The following AURKB variants were observed in gnomAD, a reference collection of about 807,000 sequenced individuals.
AURKB encodes aurora kinase B-Sv1.
Under a neutral mutation model 36.5 loss-of-function variants are expected in AURKB, and 28 were observed. That is an observed-to-expected ratio of 0.77 (90% CI 0.57 to 1.05). The LOEUF is 1.05. AURKB is among the 50% of genes least tolerant of loss of function. The probability of loss-of-function intolerance (pLI) is 0.00; values close to 1 mark genes in which losing one functional copy is unlikely to be tolerated. For missense variants in AURKB, 383 were observed against 447.4 expected (o/e 0.86, Z 1.30); for synonymous variants, 175 against 172.9 (o/e 1.01, Z -0.09).
chr17:8,207,660 G>A (rs1185240358), intron 3 of AURKB, 35 bp from the exon 4 acceptor site: 2 of 1,613,752 alleles, frequency 1.2e-6, no homozygotes, highest in African/African-American at 1.3e-5. Flanking sequence ...ATGCGAACAG[G>A]GATGACCTTC....
intron 3 of AURKB, 42 bp from the exon 4 acceptor site, chr17:8,207,667 C>T (rs752900776): frequency 2.5e-6 from 4 of 1,612,020 alleles, no homozygotes; most frequent in Non-Finnish European, 3.4e-6. Context: ...CAGGGATGAC[C>T]TTCTCATCCC....
rs2151472932 is a variant in AURKB at position 8,207,210 on chromosome 17, G to A, written c.364C>T (p.Leu122=). 6.2e-7 allele frequency: 1 copy of A among 1,614,156 alleles called. No individual in the cohort carries two copies. Among genetic ancestry groups the A allele is most frequent in the Non-Finnish European group, 8.5e-7 (1 of 1,180,016 alleles). The change falls in exon 5 of 9, where the codon CTG becomes TTG. Residue 122 remains leucine, a synonymous_variant. Coordinates refer to ENST00000585124, the MANE Select transcript of AURKB (RefSeq NM_004217.4). ...GCCTGGATTTCGATCTCTCTGCGCA[G>A]CTGATGCTCCACGCCCTCCTTCTCT... ...QIEKEGVEHQ[L]RREIEIQAHL...
chr17:8,204,999 G>A lies in AURKB; in HGVS notation c.907C>T (p.Leu303Phe), dbSNP rs772308526. The change falls in exon 9 of 9, where the codon CTC becomes TTC. Residue 303 changes from leucine to phenylalanine, a missense_variant. Coordinates refer to ENST00000585124, the MANE Select transcript of AURKB (RefSeq NM_004217.4). ...TTATGCCTGAGCAGTTTGGAGATGA[G>A]GTCCTGGGCTCCCATGGGCACGGAA... ...PASVPMGAQD[L>F]ISKLLRHNPS... 6.2e-7 allele frequency: 1 copy of A among 1,602,416 alleles called. No individual in the cohort carries two copies.
rs144211386 is a variant in AURKB at position 8,205,425 on chromosome 17, G to A, written c.687-35C>T. 5.9e-4 allele frequency: 943 copies of A among 1,606,928 alleles called. 7 individuals are homozygous for A. In the African/African-American group the frequency reaches 0.011, roughly 19 times the overall value. On this transcript the variant is annotated intron_variant, in intron 7 of 8. Coordinates refer to ENST00000585124, the MANE Select transcript of AURKB (RefSeq NM_004217.4). ...ATAAGGGGCGTGGGCAGGGGTCCTA[G>A]TGACATAGGAACTCTCCTTTCCCTG...
chr17:8,207,008 G>A, intron 5 of AURKB, 120 bp from the exon 6 acceptor site: 2 of 1,509,832 alleles, frequency 1.3e-6, no homozygotes, highest in Admixed American at 2.0e-5. Context: ...GGAGTGGTAA[G>A]GGGAAACTGG....
chr17:8,205,178 C>G, intron 8 of AURKB, 38 bp downstream of exon 8: 1 of 1,585,394 alleles, frequency 6.3e-7, no homozygotes, highest in South Asian at 1.1e-5. Context: ...CAGCTCCTGG[C>G]TTCAGCAGCT....
rs1201893657 is a variant in AURKB at position 8,205,030 on chromosome 17, G to A, written c.876C>T (p.Phe292=). 6.3e-7 allele frequency: 1 copy of A among 1,585,428 alleles called. No individual in the cohort carries two copies. Among genetic ancestry groups the A allele is most frequent in the African/African-American group, 1.4e-5 (1 of 72,918 alleles). The change falls in exon 9 of 9, where the codon TTC becomes TTT. Residue 292 remains phenylalanine (F), a synonymous_variant. Coordinates refer to ENST00000585124, the MANE Select transcript of AURKB (RefSeq NM_004217.4). ...GGGCTCCCATGGGCACGGAAGCGGG[G>A]AACTTTAGGTCCACCTGCAGGTGTG... ...YRRIVKVDLK[F]PASVPMGAQD...
chr17:8,208,556 A>C (rs1985682575), intron 2 of AURKB, among the ~76,000 whole-genome samples: 1 of 151,844 alleles, frequency 6.6e-6, no homozygotes, highest in Admixed American at 6.6e-5. Flanking sequence ...GCACCATTGC[A>C]CTCCAGCCTG....
chr17:8,209,646 T>TAA (rs1363602405), intron 2 of AURKB, among the ~76,000 whole-genome samples: 2 of 152,134 alleles, frequency 1.3e-5, no homozygotes, highest in African/African-American at 4.8e-5. Context: ...TTTATATATA[T>TAA]AATAAAGGTG....
chr17:8,208,320 G>T (rs1473503445), intron 2 of AURKB: 1 of 153,694 alleles, frequency 6.5e-6, no homozygotes, highest in Admixed American at 6.6e-5. Flanking sequence ...AGCTACTCAG[G>T]AGGCTGAGGC....
intron 8 of AURKB, 70 bp from the exon 9 acceptor site, chr17:8,205,114 C>A: frequency 6.5e-7 from 1 of 1,545,112 alleles, no homozygotes; most frequent in Non-Finnish European, 8.7e-7. Context: ...ACTACCCATT[C>A]TGTTTGGAGT....
Position 8,204,792 on chromosome 17 carries a change from G to A in AURKB, c.*79C>T. On this transcript the variant is annotated 3_prime_UTR_variant, in exon 9 of 9. Transcript: ENST00000585124. Reference sequence around the variant, plus strand: ...AGGAGGAGGTAGAAAACAGATAAGGGAACAGTTAGGGATCCCTTCTTTCCC... The same window carrying A: ...AGGAGGAGGTAGAAAACAGATAAGGAAACAGTTAGGGATCCCTTCTTTCCC... The A allele has an allele frequency of 6.4e-7, 1 of 1,552,212 alleles. No homozygotes were observed. The highest frequency in any genetic ancestry group is 2.2e-4 in the Middle Eastern group (1 of 4,546).
rs1284238572 is a variant in AURKB at position 8,210,554 on chromosome 17, T to A, written c.-50A>T. 7.9e-6 allele frequency: 3 copies of A among 382,122 alleles called. No homozygotes were observed. Among genetic ancestry groups the A allele is most frequent in the South Asian group, 3.3e-5 (1 of 30,392 alleles). The allele number at this position is 382,122 out of a possible 1,614,324, so 23.7% of individuals were successfully genotyped here. A position where few individuals can be genotyped will look rare whatever the true frequency, so the allele number is the denominator to read the frequency against. On this transcript the variant is annotated 5_prime_UTR_variant, in exon 1 of 9. Transcript: ENST00000585124. ...CCTGGGGTCCAAGGCACTGCTACTC[T>A]CCCGGCCGCCCGCAAACAACTGAAT...
At position 8,210,243 on chromosome 17, in the gene AURKB, A is replaced by C. The variant is rs45524038; in HGVS notation, c.-19T>G. On this transcript the variant is annotated 5_prime_UTR_variant, in exon 2 of 9. Transcript: ENST00000585124. The stretch of plus-strand genomic sequence containing the variant: ...GGGCCATCCTTAGAGAGAAAGGGGG[A>C]GGAGAGCTGGGCGGAGAAGGGAAAC... 6.3e-7 allele frequency: 1 copy of C among 1,590,258 alleles called. No individual in the cohort carries two copies. The highest frequency in any genetic ancestry group is 8.6e-7 in the Non-Finnish European group (1 of 1,166,274).
chr17:8,205,292 A>G lies in AURKB; in HGVS notation c.785T>C (p.Leu262Pro). The change falls in exon 8 of 9, where the codon CTT (leucine) becomes CCT (proline). Residue 262 changes from leucine (L) to proline (P), a missense_variant. By Grantham distance (98) the Leu-to-Pro change is moderately conservative. This residue lies in a region of AURKB where 219 missense variants were observed against 252.6 expected (regional missense o/e 0.87). Transcript: ENST00000585124. Reference protein sequence around the residue: ...EKVDLWCIGVLCYELLVGNPP... With the variant: ...EKVDLWCIGVPCYELLVGNPP... ...GTTCCCCACCAGCAGCTCATAGCAA[A>G]GCACTCCAATGCACCACAGATCCAC... The G allele has an allele frequency of 1.9e-6, 3 of 1,614,176 alleles. No individual in the cohort carries two copies. Among genetic ancestry groups the G allele is most frequent in the Non-Finnish European group, 2.5e-6 (3 of 1,180,036 alleles).
intron 2 of AURKB, among the ~76,000 whole-genome samples, chr17:8,208,585 C>T (rs146073791): frequency 0.049 from 5,760 of 117,466 alleles, 164 homozygotes; most frequent in Non-Finnish European, 0.072. Context: ...AGTGAGGCTC[C>T]GTCTCAAAAA....
Position 8,207,829 on chromosome 17 carries a change from G to A in AURKB, c.60C>T (p.Gly20=). The change falls in exon 3 of 9, where the codon GGC becomes GGT. Residue 20 remains glycine (G), a synonymous_variant. Coordinates refer to ENST00000585124, the MANE Select transcript of AURKB (RefSeq NM_004217.4). ...WPYGRQTAPS[G]LSTLPQRVLR... is the part of the protein sequence containing the mutation. ...GGACTCGCTGGGGCAGGGTGCTCAGGCCAGATGGAGCCTGAGAAGGAGCAG... is the reference window on the plus strand; with the variant it reads ...GGACTCGCTGGGGCAGGGTGCTCAGACCAGATGGAGCCTGAGAAGGAGCAG... 2.5e-6 allele frequency: 4 copies of A among 1,612,588 alleles called. No homozygotes were observed. Among genetic ancestry groups the A allele is most frequent in the South Asian group, 1.1e-5 (1 of 90,840 alleles).
Position 8,204,850 on chromosome 17 carries a change from C to A in AURKB, c.*21G>T. 1 of 1,611,474 alleles carries A rather than the reference C, an allele frequency of 6.2e-7. No homozygotes were observed. Among genetic ancestry groups the A allele is most frequent in the South Asian group, 1.1e-5 (1 of 91,010 alleles). On this transcript the variant is annotated 3_prime_UTR_variant, in exon 9 of 9. Coordinates refer to ENST00000585124, the MANE Select transcript of AURKB (RefSeq NM_004217.4). Reference sequence around the variant, plus strand: ...TACACAGACATACAAACACACGCACCCGAGTGAATGACAGGGACCATCAGG... The same window carrying A: ...TACACAGACATACAAACACACGCACACGAGTGAATGACAGGGACCATCAGG...
At position 8,206,280 on chromosome 17, in the gene AURKB, G is replaced by A. The variant is rs6503091; in HGVS notation, c.686+211C>T. The stretch of plus-strand genomic sequence containing the variant: ...CCAGTAGCTGGGATTACTGGCGTCC[G>A]CCACCATGGCCGGCTAATTTTTGTA... On this transcript the variant is annotated intron_variant, in intron 7 of 8. Coordinates refer to ENST00000585124, the MANE Select transcript of AURKB (RefSeq NM_004217.4). The surrounding 1 kb of genome is among the most constrained non-coding windows in gnomAD (Gnocchi z 4.2). Among the ~76,000 whole-genome samples the A allele has an allele frequency of 0.54, 81,935 of 151,820 alleles. 22,920 individuals carry two copies. Among genetic ancestry groups the A allele is most frequent in the South Asian group, 0.64 (3,090 of 4,810 alleles).
Sources: allele counts gnomAD v4.1 joint callset (sites outside exome capture counted in the v4.1 genomes callset), GRCh38; gene constraint gnomAD v4.1.1; regional missense constraint gnomAD v4.1.1; non-coding constraint Gnocchi (gnomAD v3.1); transcripts MANE v1.5; gene names NCBI Gene and HGNC (gene_info 2026-07-23, HGNC 2026-07-21).